THRB: variants seen among roughly 807,000 people sequenced by gnomAD.
THRB encodes nuclear receptor subfamily 1 group A member 2.
THRB carries 12 observed loss-of-function variants against 47.8 expected under a neutral mutation model. That is an observed-to-expected ratio of 0.25 (90% confidence interval 0.16 to 0.41). The LOEUF is 0.41. Among genes scored for constraint, THRB ranks in the 10% least tolerant of loss-of-function variants. The pLI is 1.00. For missense variants in THRB, 348 were observed against 589.2 expected (o/e 0.59, Z 4.24); for synonymous variants, 218 against 212.2 (o/e 1.03, Z -0.24).
At chr3:24,130,058 C>A (rs1019864565) in intron 9 of THRB, among the ~76,000 whole-genome samples, 1 of 152,202 alleles carries the variant, frequency 6.6e-6, no homozygotes, top group African/African-American at 2.4e-5. Context: ...TAATTCACCT[C>A]TTTTGGGTTT....
intron 3 of THRB, among the ~76,000 whole-genome samples, chr3:24,294,982 T>G (rs917347819): frequency 1.3e-5 from 2 of 152,194 alleles, no homozygotes; most frequent in Admixed American, 6.5e-5. Flanking sequence ...CACCTGTGAA[T>G]TCAATAAAAT....
intron 1 of THRB, among the ~76,000 whole-genome samples, chr3:24,343,511 G>A (rs145406015): frequency 6.6e-6 from 1 of 152,276 alleles, no homozygotes; most frequent in African/African-American, 2.4e-5. Context: ...ACATCCATCT[G>A]TTATTCTTTT....
At chr3:24,212,796 T>C (rs990757816) in intron 4 of THRB, among the ~76,000 whole-genome samples, 2 of 152,124 alleles carry the variant, frequency 1.3e-5, no homozygotes, top group Non-Finnish European at 2.9e-5. Flanking sequence ...ATAGCCCTCA[T>C]CTAGATGAAG....
chr3:24,472,128 A>T (rs1694792635), intron 1 of THRB, among the ~76,000 whole-genome samples: 2 of 152,182 alleles, frequency 1.3e-5, no homozygotes, highest in East Asian at 1.9e-4. Context: ...AAATTAAGCA[A>T]TTTTTTCTCA....
chr3:24,407,538 A>G (rs549429679), intron 1 of THRB, among the ~76,000 whole-genome samples: 18 of 152,026 alleles, frequency 1.2e-4, no homozygotes, highest in Admixed American at 4.6e-4. Context: ...TTTGTAAAAG[A>G]ATGAAATAAT....
chr3:24,136,365 A>C (rs1485661447), intron 8 of THRB, among the ~76,000 whole-genome samples: 5 of 152,222 alleles, frequency 3.3e-5, no homozygotes, highest in African/African-American at 1.2e-4. Context: ...AGATACCAGA[A>C]CAACAAAAAA....
intron 3 of THRB, among the ~76,000 whole-genome samples, chr3:24,250,419 G>A (rs1406625551): frequency 2.0e-5 from 3 of 152,204 alleles, no homozygotes; most frequent in African/African-American, 7.2e-5. Context: ...ATGAAGTGCC[G>A]GGCATGGTAA....
intron 1 of THRB, among the ~76,000 whole-genome samples, chr3:24,386,350 C>A (rs1356325633): frequency 6.6e-6 from 1 of 152,074 alleles, no homozygotes; most frequent in African/African-American, 2.4e-5. Flanking sequence ...TCTGCCCAAC[C>A]ACCTCTAGTC....
intron 1 of THRB, among the ~76,000 whole-genome samples, chr3:24,485,777 C>T (rs1160689869): frequency 6.6e-6 from 1 of 152,154 alleles, no homozygotes; most frequent in Admixed American, 6.5e-5. Context: ...ACCCTCCCAC[C>T]CCTATGGGTT....
chr3:24,306,939 G>T (rs1240829071), intron 2 of THRB, among the ~76,000 whole-genome samples: 1 of 151,730 alleles, frequency 6.6e-6, no homozygotes, highest in Admixed American at 6.6e-5. Context: ...ATCATATCTG[G>T]TTCTAAAAAA....
intron 3 of THRB, among the ~76,000 whole-genome samples, chr3:24,233,916 A>G (rs1397631901): frequency 4.6e-5 from 7 of 152,204 alleles, no homozygotes; most frequent in Non-Finnish European, 8.8e-5. Flanking sequence ...CATGTCTCAT[A>G]GGCTGGGATG....
intron 1 of THRB, among the ~76,000 whole-genome samples, chr3:24,418,879 A>G (rs1042731517): frequency 2.0e-5 from 3 of 151,988 alleles, no homozygotes; most frequent in African/African-American, 7.2e-5. Context: ...TAACACTTAC[A>G]GTAATGGCTG....
rs35975177 is a variant in THRB, at chr3:24,272,347, A to AAACAACAACAACAACAACAACAAC, written c.-43+24855_-43+24878dup. ...GGTGACAGAGTAAGACTCTCTCTCA[A>AAACAACAACAACAACAACAACAAC]AACAACAACAACAACAACAACAACA... On this transcript the variant is annotated intron_variant, in intron 3 of 10. Coordinates refer to ENST00000646209, the MANE Select transcript of THRB (RefSeq NM_001354712.2). Among the ~76,000 whole-genome samples, 160 of 149,878 alleles carry AAACAACAACAACAACAACAACAAC rather than the reference A, an allele frequency of 1.1e-3. 1 individual carries two copies. The highest frequency in any genetic ancestry group is 3.9e-3 in the African/African-American group (158 of 40,694).
chr3:24,148,407 G>A lies in THRB; in HGVS notation c.385-1585C>T, dbSNP rs545917996. Among the ~76,000 whole-genome samples, 10 of 151,976 alleles carry A rather than the reference G, an allele frequency of 6.6e-5. No individual in the cohort carries two copies. In the South Asian group the frequency reaches 1.0e-3, roughly 16 times the overall value. Reference sequence around the variant, plus strand: ...CTCCCAAAGTGCTGGGATTATAGGCGTGAGCCACCACGCCTGGCTAATTTT... The same window carrying A: ...CTCCCAAAGTGCTGGGATTATAGGCATGAGCCACCACGCCTGGCTAATTTT... On this transcript the variant is annotated intron_variant, in intron 6 of 10. Coordinates refer to ENST00000646209, the MANE Select transcript of THRB (RefSeq NM_001354712.2).
In THRB at chr3:24,122,684, G is replaced by A. The variant is rs2031907534; in HGVS notation, c.*200C>T. On this transcript the variant is annotated 3_prime_UTR_variant, in exon 11 of 11. Coordinates refer to ENST00000646209, the MANE Select transcript of THRB (RefSeq NM_001354712.2). ...AAACCTTCAGAGCATTCACATCACA[G>A]GACCGGAGAACGAAATGCAATAGTT... 3 of 676,322 alleles carry A rather than the reference G, an allele frequency of 4.4e-6. No individual in the cohort carries two copies. Among genetic ancestry groups the A allele is most frequent in the Non-Finnish European group, 7.5e-6 (3 of 399,538 alleles). 41.9% of individuals were successfully genotyped at this position (676,322 alleles called of 1,614,324 possible).
chr3:24,268,755 G>A (rs2052923276), intron 3 of THRB, among the ~76,000 whole-genome samples: 1 of 151,538 alleles, frequency 6.6e-6, no homozygotes, highest in South Asian at 2.1e-4. Context: ...GTTATCTCTG[G>A]GTGTTAAAGC....
intron 3 of THRB, among the ~76,000 whole-genome samples, chr3:24,256,294 G>A (rs574171701): frequency 1.4e-3 from 212 of 152,136 alleles, no homozygotes; most frequent in African/African-American, 5.0e-3. Context: ...AGTGGAAGAG[G>A]GCCTGAAGCC....
chr3:24,318,130 A>T (rs1371961954), intron 2 of THRB, among the ~76,000 whole-genome samples: 1 of 152,192 alleles, frequency 6.6e-6, no homozygotes, highest in East Asian at 1.9e-4. Flanking sequence ...TAGAAGCGAA[A>T]ATTCAGAGTT....
At chr3:24,315,358 A>G (rs1235739548) in intron 2 of THRB, among the ~76,000 whole-genome samples, 1 of 152,204 alleles carries the variant, frequency 6.6e-6, no homozygotes, top group Non-Finnish European at 1.5e-5. Flanking sequence ...ATTCTAAACA[A>G]ATAAACCACC....
Sources: allele counts gnomAD v4.1 joint callset (sites outside exome capture counted in the v4.1 genomes callset), GRCh38; gene constraint gnomAD v4.1.1; transcripts MANE v1.5; gene names NCBI Gene and HGNC (gene_info 2026-07-23, HGNC 2026-07-21).